Variants in ACVR1C observed in about 807,000 individuals in gnomAD.
ACVR1C encodes activin A receptor type 1C.
ACVR1C carries 23 observed loss-of-function variants against 57.9 expected under a neutral mutation model. The observed-to-expected ratio is 0.40, with a 90% CI of 0.29 to 0.56. ACVR1C has a LOEUF of 0.56. ACVR1C is among the 20% of genes least tolerant of loss of function. The pLI, the probability that ACVR1C is intolerant of heterozygous loss-of-function variation, is 0.50. For synonymous variants in ACVR1C, 214 were observed against 215.3 expected (o/e 0.99, Z 0.05); for missense variants, 480 against 607.9 (o/e 0.79, Z 2.21).
chr2:157,534,738 A>G (rs1283334805), intron 8 of ACVR1C, among the ~76,000 whole-genome samples: 2 of 152,162 alleles, frequency 1.3e-5, no homozygotes, highest in South Asian at 2.1e-4. Context: ...AACCAGAGAA[A>G]TACAGGAAAA....
At position 157,563,071 on chromosome 2, in the gene ACVR1C, GCT is replaced by G. The variant is rs765766190; in HGVS notation, c.305-6741_305-6740del. ...TTGAAAACCAGCACAAAACAAGGATGCTCTCTCTCACCAGTCTTATTGAACAT... is the reference window on the plus strand; with the variant it reads ...TTGAAAACCAGCACAAAACAAGGATGCTCTCTCACCAGTCTTATTGAACAT... On this transcript the variant is annotated intron_variant, in intron 2 of 8. Transcript: ENST00000243349. Among the ~76,000 whole-genome samples the G allele has an allele frequency of 7.9e-5, 12 of 152,262 alleles. No individual in the cohort carries two copies. In the South Asian group the frequency reaches 8.3e-4, roughly 11 times the overall value.
chr2:157,603,160 C>T (rs1263608123), intron 1 of ACVR1C, among the ~76,000 whole-genome samples: 1 of 152,134 alleles, frequency 6.6e-6, no homozygotes, highest in Non-Finnish European at 1.5e-5. Context: ...CAGGGCTGTC[C>T]CTGAAAATTC....
At chr2:157,590,274 T>C (rs1311194813) in intron 1 of ACVR1C, among the ~76,000 whole-genome samples, 1 of 151,952 alleles carries the variant, frequency 6.6e-6, no homozygotes, top group Non-Finnish European at 1.5e-5. Context: ...TTAGTAAAAC[T>C]AAAGTCTTTA....
intron 5 of ACVR1C, among the ~76,000 whole-genome samples, chr2:157,543,199 T>G (rs904871334): frequency 9.9e-5 from 15 of 152,242 alleles, no homozygotes; most frequent in Non-Finnish European, 2.1e-4. Flanking sequence ...AATATTGTTT[T>G]ACAAAATAAG....
At chr2:157,578,888 G>A (rs1688722203) in intron 2 of ACVR1C, among the ~76,000 whole-genome samples, 1 of 152,006 alleles carries the variant, frequency 6.6e-6, no homozygotes, top group African/African-American at 2.4e-5. Context: ...CAATTCAAAG[G>A]AGCTGAATTT....
chr2:157,560,980 C>T (rs969685862), intron 2 of ACVR1C, among the ~76,000 whole-genome samples: 3 of 152,108 alleles, frequency 2.0e-5, no homozygotes, highest in Non-Finnish European at 4.4e-5. Flanking sequence ...TGACTAAAAA[C>T]CAAGGCATTA....
In ACVR1C at chr2:157,532,845, C is replaced by G. The variant is rs1208710399; in HGVS notation, c.*1073G>C. On this transcript the variant is annotated 3_prime_UTR_variant, in exon 9 of 9. Transcript: ENST00000243349. ...TCCTTCCTTCCTCTTCCTTTTCTGT[C>G]TTTTCTTTCTAAGTGTGTATGTACA... is the stretch of plus-strand genomic sequence containing the variant. The G allele has an allele frequency of 2.0e-5, 3 of 152,046 alleles. No homozygotes were observed. The highest frequency in any genetic ancestry group is 4.4e-5 in the Non-Finnish European group (3 of 67,976). The allele number at this position is 152,046 out of a possible 1,614,324, so 9.4% of individuals were successfully genotyped here.
intron 1 of ACVR1C, among the ~76,000 whole-genome samples, chr2:157,598,162 G>T (rs1300462225): frequency 6.7e-6 from 1 of 149,180 alleles, no homozygotes; most frequent in African/African-American, 2.5e-5. Flanking sequence ...CCCAACCAAG[G>T]GTTACACCAA....
intron 4 of ACVR1C, among the ~76,000 whole-genome samples, chr2:157,546,957 T>A (rs1379677617): frequency 6.8e-6 from 1 of 147,900 alleles, no homozygotes; most frequent in African/African-American, 2.5e-5. Context: ...CCCGATGCTA[T>A]CCCTCTCCCC....
intron 7 of ACVR1C, among the ~76,000 whole-genome samples, chr2:157,539,484 T>G (rs1687568983): frequency 6.6e-6 from 1 of 152,180 alleles, no homozygotes; most frequent in Admixed American, 6.5e-5. Context: ...GACAACTAAC[T>G]ACAATTCACG....
chr2:157,540,091 A>C (rs1235378768), intron 7 of ACVR1C, among the ~76,000 whole-genome samples: 1 of 152,218 alleles, frequency 6.6e-6, no homozygotes, highest in Non-Finnish European at 1.5e-5. Flanking sequence ...GCTTCACATG[A>C]ATTAATTCAT....
intron 1 of ACVR1C, among the ~76,000 whole-genome samples, chr2:157,623,604 G>C (rs1002729471): frequency 2.6e-5 from 4 of 151,990 alleles, no homozygotes; most frequent in African/African-American, 9.7e-5. Flanking sequence ...GGCTGGGAAG[G>C]GTAGTAGGGG....
intron 8 of ACVR1C, among the ~76,000 whole-genome samples, chr2:157,535,329 C>G (rs1299015613): frequency 6.6e-6 from 1 of 151,776 alleles, no homozygotes; most frequent in African/African-American, 2.4e-5. Context: ...AATGAAAATT[C>G]ACAAACACAT....
intron 3 of ACVR1C, among the ~76,000 whole-genome samples, chr2:157,553,308 C>G (rs1435740108): frequency 1.3e-5 from 2 of 152,046 alleles, no homozygotes; most frequent in African/African-American, 4.8e-5. Context: ...CACTGCCAAA[C>G]GTATGCAACT....
intron 2 of ACVR1C, among the ~76,000 whole-genome samples, chr2:157,582,435 C>G (rs566360909): frequency 4.0e-4 from 61 of 152,122 alleles, no homozygotes; most frequent in Non-Finnish European, 7.6e-4. Context: ...TGCAATCCAT[C>G]ATATGAACAG....
chr2:157,548,220 A>G (rs1278917265), intron 4 of ACVR1C, among the ~76,000 whole-genome samples: 5 of 150,952 alleles, frequency 3.3e-5, no homozygotes, highest in Non-Finnish European at 7.4e-5. Flanking sequence ...CCAACTTACA[A>G]GGGATGTGAA....
intron 3 of ACVR1C, among the ~76,000 whole-genome samples, chr2:157,554,806 T>A (rs1688053029): frequency 1.3e-5 from 2 of 152,120 alleles, no homozygotes. Context: ...ACTATCTTAA[T>A]GATCCTTCCA....
At chr2:157,619,771 C>A (rs1573959691) in intron 1 of ACVR1C, among the ~76,000 whole-genome samples, 3 of 151,860 alleles carry the variant, frequency 2.0e-5, no homozygotes, top group Admixed American at 2.0e-4. Flanking sequence ...TAACTGACAA[C>A]AAACAGAGAA....
chr2:157,556,375 T>A, intron 2 of ACVR1C, 43 bp from the exon 3 acceptor site: 1 of 1,598,004 alleles, frequency 6.3e-7, no homozygotes, highest in African/African-American at 1.3e-5. Flanking sequence ...AATCAAACCA[T>A]TTTAAGTATT....
Sources: allele counts gnomAD v4.1 joint callset (sites outside exome capture counted in the v4.1 genomes callset), GRCh38; gene constraint gnomAD v4.1.1; transcripts MANE v1.5; gene names NCBI Gene and HGNC (gene_info 2026-07-23, HGNC 2026-07-21).